Variants in ADNP2 observed in about 807,000 individuals in gnomAD.
The protein encoded by ADNP2 is activity-dependent neuroprotector homeobox protein 2.
A neutral mutation model predicts 16.4 loss-of-function variants in ADNP2; 8 were observed. That is an observed-to-expected ratio of 0.49 (90% CI 0.29 to 0.88). The LOEUF is 0.88. Among genes scored for constraint, ADNP2 ranks in the 40% least tolerant of loss-of-function variants. The pLI is 0.09. For missense variants in ADNP2, 1,397 were observed against 1,395.1 expected (o/e 1.00, Z -0.02); for synonymous variants, 637 against 545.8 (o/e 1.17, Z -2.33).
Position 80,138,478 on chromosome 18 carries a change from A to G in ADNP2, c.3065A>G (p.Asn1022Ser). Residue 1022 changes from asparagine (N) to serine (S), a missense_variant, in exon 4 of 4, where the codon AAT (asparagine) becomes AGT (serine). Asn to Ser is a conservative substitution (Grantham distance 46, BLOSUM62 1). Coordinates refer to ENST00000262198, the MANE Select transcript of ADNP2 (RefSeq NM_014913.4). ...GTTGTGCCTTTTAAAAGACAAAGGAATGAAAGCAGAACAGAGGGACCTATT... is the reference window on the plus strand; with the variant it reads ...GTTGTGCCTTTTAAAAGACAAAGGAGTGAAAGCAGAACAGAGGGACCTATT... The part of the protein sequence containing the change: ...TSVVPFKRQR[N>S]ESRTEGPIVK... 1.2e-6 allele frequency: 2 copies of G among 1,614,158 alleles called. No individual in the cohort carries two copies. The highest frequency in any genetic ancestry group is 8.5e-7 in the Non-Finnish European group (1 of 1,180,032).
chr18:80,123,561 G>T (rs1053618513), intron 2 of ADNP2, among the ~76,000 whole-genome samples: 2 of 151,826 alleles, frequency 1.3e-5, no homozygotes, highest in Admixed American at 6.6e-5. Context: ...GTAGAGACGG[G>T]TTTTTCCTTG....
Position 80,136,895 on chromosome 18 carries a change from G to C in ADNP2, c.1482G>C (p.Pro494=). 4 of 1,614,082 alleles carry C rather than the reference G, an allele frequency of 2.5e-6. No individual in the cohort carries two copies. The highest frequency in any genetic ancestry group is 3.4e-6 in the Non-Finnish European group (4 of 1,179,992). ...TTCTCCCTGTGGGCCAGACAGCTCC[G>C]TCACGGGTTCTTCCCCCAGGCCAGA... The part of the protein sequence containing the change: ...SGVLPVGQTA[P]SRVLPPGQTA... Residue 494 remains proline, a synonymous_variant, in exon 4 of 4, where the codon CCG becomes CCC. Transcript: ENST00000262198.
chr18:80,132,679 C>T (rs1329770875), intron 2 of ADNP2, among the ~76,000 whole-genome samples: 1 of 148,740 alleles, frequency 6.7e-6, no homozygotes, highest in African/African-American at 2.5e-5. Context: ...CCTCTTCCTC[C>T]CCTCTCTCCT....
At chr18:80,118,695 C>T (rs1369549361) in intron 2 of ADNP2, among the ~76,000 whole-genome samples, 3 of 152,160 alleles carry the variant, frequency 2.0e-5, no homozygotes, top group African/African-American at 7.2e-5. Context: ...TTGTTTTTGA[C>T]TTGACTGGAA....
In ADNP2 at chr18:80,139,097, C is replaced by A; in HGVS notation, c.*288C>A. ...ATATTTCATGCACGCCTTGTTTTCC[C>A]ACTAGTGTCAGTATCGTATGATAAG... On this transcript the variant is annotated 3_prime_UTR_variant, in exon 4 of 4. Transcript: ENST00000262198. 1 of 281,428 alleles carries A rather than the reference C, an allele frequency of 3.6e-6. No individual in the cohort carries two copies. Among genetic ancestry groups the A allele is most frequent in the Non-Finnish European group, 6.5e-6 (1 of 152,974 alleles). The allele number at this position is 281,428 out of a possible 1,614,324, so 17.4% of individuals were successfully genotyped here. A position where few individuals can be genotyped will look rare whatever the true frequency, so the allele number is the denominator to read the frequency against.
In ADNP2 at chr18:80,136,196, G is replaced by A. The variant is rs1204572700; in HGVS notation, c.783G>A (p.Leu261=). 1.9e-6 allele frequency: 3 copies of A among 1,614,132 alleles called. No individual in the cohort carries two copies. Among genetic ancestry groups the A allele is most frequent in the African/African-American group, 2.7e-5 (2 of 74,938 alleles). Residue 261 remains leucine, a synonymous_variant, in exon 4 of 4, where the codon TTG becomes TTA. Transcript: ENST00000262198. ...AACATATTAAGAGGACTGGACTCTT[G>A]AAGCAAACGCACATTGCTCCAAAAC... ...ISEHIKRTGL[L]KQTHIAPKPA... is the part of the protein sequence containing the mutation.
intron 2 of ADNP2, among the ~76,000 whole-genome samples, chr18:80,119,443 A>T (rs2145195373): frequency 1.3e-5 from 2 of 150,806 alleles, no homozygotes; most frequent in East Asian, 3.9e-4. Context: ...ATCCAAGCTG[A>T]CTGGAGAACC....
chr18:80,128,521 G>A (rs773983470), intron 2 of ADNP2, among the ~76,000 whole-genome samples: 1 of 152,136 alleles, frequency 6.6e-6, no homozygotes, highest in Non-Finnish European at 1.5e-5. Context: ...GTGGTGGCAT[G>A]TGCCTGTAGT....
chr18:80,133,718 C>T (rs529113807), intron 3 of ADNP2: 1 of 156,732 alleles, frequency 6.4e-6, no homozygotes, highest in South Asian at 2.0e-4. Flanking sequence ...CGGTATCAGA[C>T]TCAGCTCATC....
chr18:80,135,826 C>T lies in ADNP2; in HGVS notation c.413C>T (p.Thr138Ile), dbSNP rs759157521. ...CCTGTCCGGAAAGTCCAGAACTACACAGTGAATATTTTAGGTGAAACTAAA... is the reference window on the plus strand; with the variant it reads ...CCTGTCCGGAAAGTCCAGAACTACATAGTGAATATTTTAGGTGAAACTAAA... Reference protein sequence around the residue: ...HAPVRKVQNYTVNILGETKSS... With the variant: ...HAPVRKVQNYIVNILGETKSS... The change falls in exon 4 of 4, where the codon ACA becomes ATA. Residue 138 changes from threonine (T) to isoleucine (I), a missense_variant. Coordinates refer to ENST00000262198, the MANE Select transcript of ADNP2 (RefSeq NM_014913.4). 14 of 1,614,188 alleles carry T rather than the reference C, an allele frequency of 8.7e-6. No individual in the cohort carries two copies. The highest frequency in any genetic ancestry group is 1.1e-5 in the Non-Finnish European group (13 of 1,180,016).
At position 80,136,001 on chromosome 18, in the gene ADNP2, G is replaced by A. The variant is rs754193664; in HGVS notation, c.588G>A (p.Glu196=). 6.2e-7 allele frequency: 1 copy of A among 1,614,096 alleles called. No homozygotes were observed. Among genetic ancestry groups the A allele is most frequent in the Non-Finnish European group, 8.5e-7 (1 of 1,180,042 alleles). Residue 196 remains glutamate (E), a synonymous_variant, in exon 4 of 4, where the codon GAG becomes GAA. Transcript: ENST00000262198. The part of the protein sequence containing the change: ...YFGLRTEEMG[E]QPKTNDTVSI... ...GCCTAAGAACTGAGGAAATGGGTGA[G>A]CAACCGAAAACTAACGATACTGTTT...
At chr18:80,131,061 C>T (rs7407577) in intron 2 of ADNP2, among the ~76,000 whole-genome samples, 128,402 of 152,132 alleles carry the variant, frequency 0.84, 54,313 homozygotes, top group Non-Finnish European at 0.87. Context: ...TTTACCTGCA[C>T]GTAAGGTGGA....
At position 80,138,867 on chromosome 18, in the gene ADNP2, A is replaced by AAATTTCAC; in HGVS notation, c.*60_*67dup. The AAATTTCAC allele has an allele frequency of 4.3e-6, 6 of 1,382,774 alleles. No individual in the cohort carries two copies. The highest frequency in any genetic ancestry group is 5.7e-6 in the Non-Finnish European group (6 of 1,050,344). The allele number at this position is 1,382,774 out of a possible 1,614,324, so 85.7% of individuals were successfully genotyped here. On this transcript the variant is annotated 3_prime_UTR_variant, in exon 4 of 4. Coordinates refer to ENST00000262198, the MANE Select transcript of ADNP2 (RefSeq NM_014913.4). ...GTAGTAGGTAGATTTTTTTCAGTTG[A>AAATTTCAC]AATTTCACAGTGTTGTCCTCACTGT...
rs36083942 is a variant in ADNP2, at chr18:80,136,587, A to G, written c.1174A>G (p.Ile392Val). 29,499 of 1,614,154 alleles carry G rather than the reference A, an allele frequency of 0.018. 347 individuals are homozygous for G. The highest frequency in any genetic ancestry group is 0.022 in the Non-Finnish European group (25,372 of 1,180,020). The change falls in exon 4 of 4, where the codon ATA becomes GTA. Residue 392 changes from isoleucine (I) to valine (V), a missense_variant. Physicochemically the swap from Ile to Val is conservative, Grantham distance 29. Around this residue, in one of 3 missense-constraint regions of ADNP2, gnomAD observed 777 missense variants for 719.4 expected, o/e 1.08. Transcript: ENST00000262198. ...GTCTGTTGGAACTAGTGTCCTCCCC[A>G]TAAATCAGACTGTTCGCCCTGGGGT... The part of the protein sequence containing the change: ...NKSVGTSVLP[I>V]NQTVRPGVLP...
At chr18:80,132,049 A>G (rs1288488973) in intron 2 of ADNP2, among the ~76,000 whole-genome samples, 1 of 152,206 alleles carries the variant, frequency 6.6e-6, no homozygotes, top group African/African-American at 2.4e-5. Context: ...GTACTCATGA[A>G]GCTACATGGG....
Position 80,137,697 on chromosome 18 carries a change from A to C in ADNP2, c.2284A>C (p.Ile762Leu). ...GTGCTTGGTCTCTGAGGAAGAGCTT[A>C]TACACCACTTGCTGATGCATGGCTT... ...CKCLVSEEEL[I>L]HHLLMHGLGC... is the part of the protein sequence containing the mutation. Residue 762 changes from isoleucine to leucine, a missense_variant, in exon 4 of 4, where the codon ATA becomes CTA. Ile to Leu is a conservative substitution (Grantham distance 5). Transcript: ENST00000262198. The surrounding 1 kb of genome is among the most constrained non-coding windows in gnomAD (Gnocchi z 4.2). The C allele has an allele frequency of 6.2e-7, 1 of 1,614,200 alleles. No individual in the cohort carries two copies.
At chr18:80,128,895 C>G (rs1179704922) in intron 2 of ADNP2, among the ~76,000 whole-genome samples, 2 of 152,026 alleles carry the variant, frequency 1.3e-5, no homozygotes, top group East Asian at 1.9e-4. Flanking sequence ...TGCCACATTT[C>G]TGTCATTCAG....
Position 80,138,407 on chromosome 18 carries a change from C to G in ADNP2, c.2994C>G (p.Pro998=). The G allele has an allele frequency of 6.2e-7, 1 of 1,614,042 alleles. No homozygotes were observed. The highest frequency in any genetic ancestry group is 8.5e-7 in the Non-Finnish European group (1 of 1,180,014). ...AGCGGCATGGGGAGGAGCAGCCTCC[C>G]ATCCTAAATGCCGATGCAGCCCCGG... is the stretch of plus-strand genomic sequence containing the variant. The part of the protein sequence containing the change: ...EDQRHGEEQP[P]ILNADAAPGP... Residue 998 remains proline, a synonymous_variant, in exon 4 of 4, where the codon CCC becomes CCG. Transcript: ENST00000262198.
At chr18:80,120,962 G>A (rs1276398814) in intron 2 of ADNP2, among the ~76,000 whole-genome samples, 1 of 152,150 alleles carries the variant, frequency 6.6e-6, no homozygotes, top group African/African-American at 2.4e-5. Flanking sequence ...GTATTTGTTT[G>A]AGTCCCTGTT....
Sources: gnomAD v4.1 joint callset for allele counts (sites outside exome capture counted in the v4.1 genomes callset) on GRCh38, gnomAD v4.1.1 for gene constraint, gnomAD v4.1.1 regional missense constraint, Gnocchi (gnomAD v3.1) non-coding constraint, MANE v1.5 for transcripts, NCBI Gene and HGNC (gene_info 2026-07-23, HGNC 2026-07-21) for gene names.